Variants in TDRD5 observed in about 807,000 individuals in gnomAD.
The protein encoded by TDRD5 is tudor domain-containing protein 5.
A neutral mutation model predicts 120.6 loss-of-function variants in TDRD5; 41 were observed. That is an observed-to-expected ratio of 0.34 (90% CI 0.26 to 0.44). The LOEUF (loss-of-function observed/expected upper bound fraction) is 0.44, where lower values mean the gene tolerates loss of function less well. TDRD5 is among the 20% of genes least tolerant of loss of function. TDRD5 has a pLI of 1.00. For missense variants in TDRD5, 1,006 were observed against 1,221.2 expected, an observed-to-expected ratio of 0.82 and a Z score of 2.63; for synonymous variants, 430 against 433.7, an observed-to-expected ratio of 0.99 and a Z score of 0.11.
chr1:179,649,422 A>G (rs934837472), intron 11 of TDRD5, among the ~76,000 whole-genome samples: 11 of 151,840 alleles, frequency 7.2e-5, no homozygotes, highest in African/African-American at 2.7e-4. Flanking sequence ...ATCGTATTTT[A>G]CATCTGTCTG....
intron 6 of TDRD5, among the ~76,000 whole-genome samples, chr1:179,621,520 A>C (rs545024292): frequency 7.2e-5 from 11 of 152,240 alleles, no homozygotes; most frequent in African/African-American, 2.6e-4. Context: ...ACTCTTGCAC[A>C]TGTACGCATG....
In TDRD5 at chr1:179,690,989, T is replaced by A; in HGVS notation, c.*46T>A. ...AAAAACAGAATCCAGCCGCTTAGGC[T>A]TTGATGAACTCCCAGGCCAAAATGA... On this transcript the variant is annotated 3_prime_UTR_variant, in exon 18 of 18. Coordinates refer to ENST00000444136, the MANE Select transcript of TDRD5 (RefSeq NM_001199085.3). 6.4e-7 allele frequency: 1 copy of A among 1,568,452 alleles called. No homozygotes were observed. Among genetic ancestry groups the A allele is most frequent in the Non-Finnish European group, 8.6e-7 (1 of 1,160,208 alleles).
intron 4 of TDRD5, among the ~76,000 whole-genome samples, chr1:179,612,138 T>C (rs753525845): frequency 1.5e-4 from 23 of 152,248 alleles, no homozygotes; most frequent in Admixed American, 5.2e-4. Context: ...TTTGATCATC[T>C]GTATCTTTTG....
intron 4 of TDRD5, among the ~76,000 whole-genome samples, chr1:179,607,410 C>T (rs1382128159): frequency 3.9e-5 from 6 of 152,010 alleles, no homozygotes; most frequent in Non-Finnish European, 8.8e-5. Context: ...CTGTTTGTTT[C>T]ATTTCCTTTT....
intron 17 of TDRD5, among the ~76,000 whole-genome samples, chr1:179,686,503 CTT>C (rs1166080337): frequency 6.6e-6 from 1 of 152,092 alleles, no homozygotes; most frequent in Non-Finnish European, 1.5e-5. Flanking sequence ...CTAAAATTCT[CTT>C]TTTTTGTTGT....
intron 4 of TDRD5, among the ~76,000 whole-genome samples, chr1:179,604,496 T>G (rs1256451764): frequency 6.6e-6 from 1 of 152,118 alleles, no homozygotes; most frequent in Non-Finnish European, 1.5e-5. Context: ...TCTTTCAGCC[T>G]TTTTGATGTA....
At chr1:179,660,588 C>T (rs1025552195) in intron 14 of TDRD5, among the ~76,000 whole-genome samples, 2 of 152,060 alleles carry the variant, frequency 1.3e-5, no homozygotes, top group African/African-American at 4.8e-5. Flanking sequence ...AGCATTTTAC[C>T]ACTTTGGAAT....
intron 12 of TDRD5, 151 bp from the exon 13 acceptor site, chr1:179,651,887 TG>T: frequency 2.4e-6 from 2 of 839,692 alleles, no homozygotes; most frequent in Non-Finnish European, 3.5e-6. Flanking sequence ...CACTCCAGCC[TG>T]GGCAACAGAG....
chr1:179,593,345 G>A, intron 2 of TDRD5, 115 bp from the exon 3 acceptor site: 1 of 1,163,288 alleles, frequency 8.6e-7, no homozygotes, highest in Non-Finnish European at 1.2e-6. Flanking sequence ...TGTTTATCGT[G>A]CTGCCTGGAT....
At chr1:179,654,113 A>G in intron 13 of TDRD5, 88 bp from the exon 14 acceptor site, 1 of 1,178,510 alleles carries the variant, frequency 8.5e-7, no homozygotes, top group South Asian at 1.9e-5. Context: ...AACCATAGCA[A>G]AAACTTCCCC....
At chr1:179,609,706 C>CA (rs1220800346) in intron 4 of TDRD5, among the ~76,000 whole-genome samples, 1 of 152,244 alleles carries the variant, frequency 6.6e-6, no homozygotes, top group South Asian at 2.1e-4. Flanking sequence ...AGGATTGACT[C>CA]AATGTATTAC....
At chr1:179,671,976 G>GTGTGTGTGTGTGTT in intron 17 of TDRD5, among the ~76,000 whole-genome samples, 1 of 151,484 alleles carries the variant, frequency 6.6e-6, no homozygotes, top group Admixed American at 6.6e-5. Flanking sequence ...GTGTGTGTGT[G>GTGTGTGTGTGTGTT]TGTGTGTGTG....
chr1:179,623,060 C>T (rs981924129), intron 6 of TDRD5, among the ~76,000 whole-genome samples: 5 of 152,120 alleles, frequency 3.3e-5, no homozygotes, highest in African/African-American at 1.2e-4. Context: ...CCTCTTGAAG[C>T]AATGCTAGAA....
intron 16 of TDRD5, among the ~76,000 whole-genome samples, chr1:179,663,880 C>T (rs369053578): frequency 1.5e-4 from 23 of 152,126 alleles, no homozygotes; most frequent in Non-Finnish European, 2.6e-4. Context: ...ATTTTAAGCT[C>T]TATATTTGTC....
At chr1:179,676,387 C>T (rs1016973727) in intron 17 of TDRD5, among the ~76,000 whole-genome samples, 12 of 152,156 alleles carry the variant, frequency 7.9e-5, no homozygotes. Flanking sequence ...CTATTCTATT[C>T]ATCATGCTAT....
At chr1:179,617,388 C>T (rs548538127) in intron 4 of TDRD5, among the ~76,000 whole-genome samples, 59 of 152,230 alleles carry the variant, frequency 3.9e-4, no homozygotes, top group Middle Eastern at 3.4e-3. Flanking sequence ...ATGCACTCTT[C>T]GTGCCTCATC....
intron 4 of TDRD5, among the ~76,000 whole-genome samples, chr1:179,609,378 CAA>C (rs1676163168): frequency 6.6e-6 from 1 of 152,064 alleles, no homozygotes; most frequent in Non-Finnish European, 1.5e-5. Flanking sequence ...GTGCATGAAA[CAA>C]AGTCTTGACT....
At chr1:179,625,957 C>T (rs867547700) in intron 6 of TDRD5, among the ~76,000 whole-genome samples, 24 of 151,792 alleles carry the variant, frequency 1.6e-4, no homozygotes, top group African/African-American at 4.8e-4. Context: ...AGTAAACCAT[C>T]GCAAGAACAA....
At chr1:179,599,967 T>C (rs900014099) in intron 4 of TDRD5, among the ~76,000 whole-genome samples, 4 of 152,194 alleles carry the variant, frequency 2.6e-5, no homozygotes, top group African/African-American at 4.8e-5. Flanking sequence ...AACCATGTTA[T>C]GGGTTTGTGT....
Sources: allele counts gnomAD v4.1 joint callset (sites outside exome capture counted in the v4.1 genomes callset), GRCh38; gene constraint gnomAD v4.1.1; transcripts MANE v1.5; gene names NCBI Gene and HGNC (gene_info 2026-07-23, HGNC 2026-07-21).